RELN: variants seen among roughly 807,000 people sequenced by gnomAD.
The protein encoded by RELN is reelin.
Under a neutral mutation model 427.6 loss-of-function variants are expected in RELN, and 108 were observed. The ratio of observed to expected loss-of-function variants is 0.25; its 90% CI spans 0.22 to 0.30. RELN has a LOEUF of 0.30. RELN is among the 10% of genes least tolerant of loss of function. The pLI is 1.00. For synonymous variants in RELN, 1,524 were observed against 1,513.4 expected, an observed-to-expected ratio of 1.01 and a Z score of -0.16; for missense variants, 3,715 against 4,302.8, an observed-to-expected ratio of 0.86 and a Z score of 3.82.
At chr7:103,888,082 T>C (rs1404361510) in intron 2 of RELN, among the ~76,000 whole-genome samples, 1 of 152,130 alleles carries the variant, frequency 6.6e-6, no homozygotes, top group African/African-American at 2.4e-5. Context: ...AGGGGCTCTC[T>C]ATTGCTTCCA....
At chr7:103,908,224 C>T (rs186101934) in intron 2 of RELN, among the ~76,000 whole-genome samples, 77 of 152,226 alleles carry the variant, frequency 5.1e-4, no homozygotes, top group African/African-American at 1.8e-3. Flanking sequence ...TGCAGCTCCC[C>T]AAAATTAAAG....
At chr7:103,817,228 C>G (rs901757990) in intron 3 of RELN, among the ~76,000 whole-genome samples, 4 of 152,136 alleles carry the variant, frequency 2.6e-5, no homozygotes, top group South Asian at 4.1e-4. Flanking sequence ...TATACAATAT[C>G]ACAATTTATT....
intron 2 of RELN, among the ~76,000 whole-genome samples, chr7:103,896,851 C>A (rs894453817): frequency 2.6e-5 from 4 of 152,002 alleles, no homozygotes; most frequent in African/African-American, 9.7e-5. Context: ...CAATTAAATA[C>A]ATATTAAATT....
intron 6 of RELN, among the ~76,000 whole-genome samples, chr7:103,748,865 T>C (rs1460559497): frequency 6.6e-6 from 1 of 152,220 alleles, no homozygotes; most frequent in Non-Finnish European, 1.5e-5. Context: ...GATAGACCTA[T>C]TTCTTCAAAG....
At chr7:103,881,087 T>C (rs529149204) in intron 2 of RELN, among the ~76,000 whole-genome samples, 3 of 152,246 alleles carry the variant, frequency 2.0e-5, no homozygotes, top group Admixed American at 6.5e-5. Context: ...CTCTCCACCC[T>C]CATCTTACTG....
rs571570629 is a variant in RELN at position 103,733,891 on chromosome 7, G to A, written c.657-5684C>T. ...ACCAGCATGGCACATGTATACGTAT[G>A]TAACTAACCTGCACAATGTGCACAT... is the stretch of plus-strand genomic sequence containing the variant. On this transcript the variant is annotated intron_variant, in intron 6 of 64. Coordinates refer to ENST00000428762, the MANE Select transcript of RELN (RefSeq NM_005045.4). 3.9e-5 allele frequency among the ~76,000 whole-genome samples: 6 copies of A among 151,946 alleles called. No individual in the cohort carries two copies. The South Asian group carries it at 1.3e-3, about 32-fold the overall frequency.
At chr7:103,797,319 G>A (rs966772916) in intron 3 of RELN, among the ~76,000 whole-genome samples, 2 of 152,020 alleles carry the variant, frequency 1.3e-5, no homozygotes, top group African/African-American at 2.4e-5. Context: ...TTGGCTAGGC[G>A]GTCTCGAACT....
In RELN at chr7:103,880,304, T is replaced by G. The variant is rs942137779; in HGVS notation, c.337+36771A>C. ...AAAAGGTTTAAAACATAGAATAGAA[T>G]TTTATAAATGCAAAAACTTCACATC... is the stretch of plus-strand genomic sequence containing the variant. On this transcript the variant is annotated intron_variant, in intron 2 of 64. Transcript: ENST00000428762. Among the ~76,000 whole-genome samples the G allele has an allele frequency of 2.6e-5, 4 of 152,296 alleles. 1 individual carries two copies. The highest frequency in any genetic ancestry group is 9.6e-5 in the African/African-American group (4 of 41,578).
intron 1 of RELN, among the ~76,000 whole-genome samples, chr7:103,933,412 T>C (rs1028447535): frequency 4.7e-5 from 7 of 147,538 alleles, no homozygotes; most frequent in African/African-American, 1.7e-4. Flanking sequence ...TGTACCCTTT[T>C]GGCCAGGCAT....
intron 59 of RELN, 93 bp downstream of exon 59, chr7:103,490,575 C>G (rs1465923686): frequency 2.2e-6 from 3 of 1,342,442 alleles, no homozygotes; most frequent in African/African-American, 1.4e-5. Flanking sequence ...ATGTAAAGCT[C>G]TGCCTCACAC....
chr7:103,518,505 G>GTTTTTTTTTTTTTTT lies in RELN; in HGVS notation c.7862+817_7862+818insAAAAAAAAAAAAAAA, dbSNP rs58239018. Among the ~76,000 whole-genome samples the GTTTTTTTTTTTTTTT allele has an allele frequency of 5.5e-3, 627 of 114,238 alleles. 89 individuals carry two copies. The highest frequency in any genetic ancestry group is 0.026 in the African/African-American group (574 of 21,738). The allele number at this position is 114,238 out of a possible 152,430, so 74.9% of individuals were successfully genotyped here. ...ATGCCACCACACCCAGGTAATTTAA[G>GTTTTTTTTTTTTTTT]TTTTTTTTTTTTTTGGTAAAATGTC... is the stretch of plus-strand genomic sequence containing the variant. On this transcript the variant is annotated intron_variant, in intron 49 of 64. Coordinates refer to ENST00000428762, the MANE Select transcript of RELN (RefSeq NM_005045.4).
At chr7:103,503,655 C>T (rs561999573) in intron 51 of RELN, among the ~76,000 whole-genome samples, 23 of 152,186 alleles carry the variant, frequency 1.5e-4, no homozygotes, top group South Asian at 4.2e-4. Context: ...ACACTTTCAA[C>T]GACAAGTAAG....
intron 16 of RELN, among the ~76,000 whole-genome samples, chr7:103,648,072 A>G (rs904989735): frequency 1.3e-5 from 2 of 152,068 alleles, no homozygotes; most frequent in Non-Finnish European, 2.9e-5. Flanking sequence ...AAATACTTAA[A>G]TGTAAGATAT....
At chr7:103,945,513 A>G (rs1796202934) in intron 1 of RELN, among the ~76,000 whole-genome samples, 1 of 152,088 alleles carries the variant, frequency 6.6e-6, no homozygotes, top group African/African-American at 2.4e-5. Flanking sequence ...CCTCCCTGCA[A>G]AGAATGCTCT....
intron 28 of RELN, among the ~76,000 whole-genome samples, chr7:103,578,287 A>G (rs1450448337): frequency 6.6e-6 from 1 of 152,170 alleles, no homozygotes; most frequent in African/African-American, 2.4e-5. Context: ...TTGAGACGGT[A>G]AAAGACCCCA....
chr7:103,595,702 AT>A (rs1294850188), intron 25 of RELN, among the ~76,000 whole-genome samples: 1 of 152,070 alleles, frequency 6.6e-6, no homozygotes. Flanking sequence ...ACAAAAAATT[AT>A]TTTTTTGTTA....
intron 16 of RELN, among the ~76,000 whole-genome samples, chr7:103,642,622 A>G (rs150526730): frequency 2.3e-4 from 35 of 152,238 alleles, no homozygotes; most frequent in African/African-American, 8.4e-4. Flanking sequence ...TGTAGTGAAC[A>G]CTTTCTGAAC....
chr7:103,804,504 A>G (rs779178130), intron 3 of RELN, among the ~76,000 whole-genome samples: 28 of 151,874 alleles, frequency 1.8e-4, no homozygotes, highest in Non-Finnish European at 3.4e-4. Flanking sequence ...GACAATGCAT[A>G]TATTAGCTAT....
intron 3 of RELN, among the ~76,000 whole-genome samples, chr7:103,785,727 T>G (rs1306110034): frequency 6.6e-6 from 1 of 152,128 alleles, no homozygotes; most frequent in East Asian, 1.9e-4. Context: ...AGAAATGTTG[T>G]GCTATTTATT....
Sources: gnomAD v4.1 joint callset for allele counts (sites outside exome capture counted in the v4.1 genomes callset) on GRCh38, gnomAD v4.1.1 for gene constraint, MANE v1.5 for transcripts, NCBI Gene and HGNC (gene_info 2026-07-23, HGNC 2026-07-21) for gene names.